ADCY8: variants seen among roughly 807,000 people sequenced by gnomAD.
ADCY8 encodes the protein adenylate cyclase type 8.
ADCY8 carries 51 observed loss-of-function variants against 119.7 expected under a neutral mutation model. The ratio of observed to expected loss-of-function variants is 0.43; its 90% CI spans 0.34 to 0.54. The LOEUF (loss-of-function observed/expected upper bound fraction) is 0.54, where lower values mean the gene tolerates loss of function less well. ADCY8 is among the 20% of genes least tolerant of loss of function. The pLI is 0.03. For missense variants in ADCY8, 1,383 were observed against 1,598.8 expected (o/e 0.87, Z 2.30); for synonymous variants, 665 against 651.0 (o/e 1.02, Z -0.33).
chr8:130,889,204 T>G (rs1819097120), intron 7 of ADCY8, among the ~76,000 whole-genome samples: 1 of 152,136 alleles, frequency 6.6e-6, no homozygotes, highest in African/African-American at 2.4e-5. Context: ...AAAATGTAGA[T>G]CCATTATTTG....
chr8:130,990,561 G>A lies in ADCY8; in HGVS notation c.961-19C>T. On this transcript the variant is annotated intron_variant, in intron 1 of 17. Transcript: ENST00000286355. Reference sequence around the variant, plus strand: ...CCACAACCTAAAATAAACACAGTCTGGTCAGGCGCTTAAAACAAAAGCTAT... The same window carrying A: ...CCACAACCTAAAATAAACACAGTCTAGTCAGGCGCTTAAAACAAAAGCTAT... The A allele has an allele frequency of 1.2e-6, 2 of 1,601,646 alleles. No individual in the cohort carries two copies. Among genetic ancestry groups the A allele is most frequent in the South Asian group, 2.2e-5 (2 of 89,138 alleles).
chr8:130,783,876 G>A (rs1280002093), intron 16 of ADCY8, 71 bp from the exon 17 acceptor site: 4 of 1,272,690 alleles, frequency 3.1e-6, no homozygotes, highest in East Asian at 4.7e-5. Context: ...TCTGCAGCAG[G>A]GGCTTTACGT....
intron 6 of ADCY8, among the ~76,000 whole-genome samples, chr8:130,906,254 G>A (rs1819781761): frequency 6.6e-6 from 1 of 152,180 alleles, no homozygotes; most frequent in Admixed American, 6.5e-5. Context: ...GTCCCCATCC[G>A]CTTTCTCAGA....
chr8:130,926,940 C>CATATATATATAT (rs10572208), intron 5 of ADCY8, among the ~76,000 whole-genome samples: 104 of 145,096 alleles, frequency 7.2e-4, no homozygotes, highest in South Asian at 3.7e-3. Flanking sequence ...TATTCCATTA[C>CATATATATATAT]ATATATATAT....
chr8:130,984,641 G>A (rs1822342203), intron 2 of ADCY8, among the ~76,000 whole-genome samples: 1 of 152,086 alleles, frequency 6.6e-6, no homozygotes, highest in Non-Finnish European at 1.5e-5. Flanking sequence ...TTTTGTGAGA[G>A]GACTTAAACC....
chr8:130,915,416 T>C (rs1214785420), intron 5 of ADCY8, among the ~76,000 whole-genome samples: 1 of 152,196 alleles, frequency 6.6e-6, no homozygotes, highest in African/African-American at 2.4e-5. Context: ...ATCCCAATGC[T>C]GTAGGGGCTA....
At chr8:131,000,984 T>C (rs945526523) in intron 1 of ADCY8, among the ~76,000 whole-genome samples, 2 of 152,120 alleles carry the variant, frequency 1.3e-5, no homozygotes, top group African/African-American at 4.8e-5. Context: ...AATAGTTACT[T>C]CATTCAGTTA....
At chr8:130,951,124 A>G (rs899946322) in intron 3 of ADCY8, among the ~76,000 whole-genome samples, 20 of 151,956 alleles carry the variant, frequency 1.3e-4, no homozygotes, top group Admixed American at 1.1e-3. Context: ...TATATTTTGT[A>G]TTAATATTCA....
intron 5 of ADCY8, among the ~76,000 whole-genome samples, chr8:130,911,767 ATAAT>A (rs1819988589): frequency 6.7e-6 from 1 of 150,318 alleles, no homozygotes; most frequent in South Asian, 2.1e-4. Context: ...ATAATTAAAT[ATAAT>A]TAATAGAATA....
intron 12 of ADCY8, among the ~76,000 whole-genome samples, chr8:130,828,903 T>C (rs556716877): frequency 1.3e-5 from 2 of 152,244 alleles, no homozygotes; most frequent in South Asian, 4.2e-4. Context: ...GGTATAGAGC[T>C]CAAACCAGCA....
At chr8:130,847,224 A>G (rs1161141833) in intron 11 of ADCY8, among the ~76,000 whole-genome samples, 200 bp downstream of exon 11, 1 of 152,068 alleles carries the variant, frequency 6.6e-6, no homozygotes, top group Non-Finnish European at 1.5e-5. Flanking sequence ...GACAGGAAAG[A>G]GGACTGGGAA....
intron 6 of ADCY8, among the ~76,000 whole-genome samples, chr8:130,909,005 C>T (rs879397082): frequency 0.03 from 3,760 of 124,838 alleles, 84 homozygotes; most frequent in South Asian, 0.066. Flanking sequence ...CTCTCTCTCT[C>T]TCTCTTTCTC....
intron 2 of ADCY8, among the ~76,000 whole-genome samples, chr8:130,983,277 TG>T (rs1259733733): frequency 9.2e-5 from 14 of 152,166 alleles, no homozygotes; most frequent in African/African-American, 3.1e-4. Context: ...GGTAGATAAA[TG>T]CAGCCACTGT....
intron 9 of ADCY8, among the ~76,000 whole-genome samples, chr8:130,855,289 A>T (rs1817692124): frequency 6.6e-6 from 1 of 152,086 alleles, no homozygotes; most frequent in Non-Finnish European, 1.5e-5. Context: ...AAACAAAATG[A>T]GTTGGAGAGG....
In ADCY8 at chr8:131,017,317, G is replaced by A. The variant is rs543573323; in HGVS notation, c.960+22057C>T. On this transcript the variant is annotated intron_variant, in intron 1 of 17. Coordinates refer to ENST00000286355, the MANE Select transcript of ADCY8 (RefSeq NM_001115.3). ...ACTTTTGATCTCAGGTGATCCACCCGCCTTGGTCTCCTAAAGTGCTGGGAT... is the reference window on the plus strand; with the variant it reads ...ACTTTTGATCTCAGGTGATCCACCCACCTTGGTCTCCTAAAGTGCTGGGAT... 4.6e-5 allele frequency among the ~76,000 whole-genome samples: 7 copies of A among 152,098 alleles called. No individual in the cohort carries two copies. In the South Asian group the frequency reaches 1.0e-3, roughly 23 times the overall value.
chr8:130,999,333 T>C (rs1158793468), intron 1 of ADCY8, among the ~76,000 whole-genome samples: 1 of 152,164 alleles, frequency 6.6e-6, no homozygotes, highest in Non-Finnish European at 1.5e-5. Context: ...CACTTTCCCC[T>C]TCTCGTTCCC....
intron 7 of ADCY8, among the ~76,000 whole-genome samples, chr8:130,896,961 T>A (rs1819412016): frequency 6.6e-6 from 1 of 152,110 alleles, no homozygotes; most frequent in Non-Finnish European, 1.5e-5. Context: ...AAGGAATTGT[T>A]GGATCATCCA....
intron 5 of ADCY8, among the ~76,000 whole-genome samples, chr8:130,931,587 T>G (rs1288051860): frequency 1.3e-5 from 2 of 152,176 alleles, no homozygotes; most frequent in Non-Finnish European, 2.9e-5. Flanking sequence ...GAATATTTGC[T>G]CTTTTGATGT....
chr8:130,896,249 C>T (rs1021916881), intron 7 of ADCY8, among the ~76,000 whole-genome samples: 2 of 152,074 alleles, frequency 1.3e-5, no homozygotes, highest in African/African-American at 2.4e-5. Context: ...AGTGCTTGCC[C>T]CACCTTCGTC....
Sources: gnomAD v4.1 joint callset for allele counts (sites outside exome capture counted in the v4.1 genomes callset) on GRCh38, gnomAD v4.1.1 for gene constraint, MANE v1.5 for transcripts, NCBI Gene and HGNC (gene_info 2026-07-23, HGNC 2026-07-21) for gene names.